BRD10: variants seen among roughly 807,000 people sequenced by gnomAD.
The protein encoded by BRD10 is uncharacterized bromodomain-containing protein 10.
At chr9:5,879,480 C>A in the BRD10 span, among the ~76,000 whole-genome samples, 1 of 152,196 alleles carries the variant, frequency 6.6e-6, no homozygotes, top group Admixed American at 6.5e-5. Flanking sequence ...CCCCTTGAGA[C>A]CCTGCCTCCT....
the BRD10 span, among the ~76,000 whole-genome samples, chr9:5,965,056 T>TAAAAA: frequency 1.2e-4 from 14 of 118,212 alleles, no homozygotes; most frequent in East Asian, 5.1e-4. Context: ...TAAAGTATAA[T>TAAAAA]AAAAAAAAAA....
chr9:5,942,418 CA>C, the BRD10 span, among the ~76,000 whole-genome samples: 1 of 152,072 alleles, frequency 6.6e-6, no homozygotes, highest in Non-Finnish European at 1.5e-5. Context: ...TAACATATAA[CA>C]TAACGTAACA....
chr9:5,906,329 CAAA>C, the BRD10 span, among the ~76,000 whole-genome samples: 2 of 132,570 alleles, frequency 1.5e-5, no homozygotes, highest in African/African-American at 2.8e-5. Flanking sequence ...GACTCTGTCT[CAAA>C]AAAAAAAAAA....
At chr9:5,974,608 C>T in the BRD10 span, among the ~76,000 whole-genome samples, 9 of 152,050 alleles carry the variant, frequency 5.9e-5, no homozygotes, top group Admixed American at 5.9e-4. Flanking sequence ...GAGAAGGAGC[C>T]AAGAGTCCAG....
At chr9:5,954,426 G>A in the BRD10 span, among the ~76,000 whole-genome samples, 1 of 152,168 alleles carries the variant, frequency 6.6e-6, no homozygotes. Flanking sequence ...TGCAACTTAA[G>A]ATGAGACTAC....
the BRD10 span, chr9:5,967,909 A>T: frequency 3.0e-6 from 2 of 674,604 alleles, no homozygotes; most frequent in African/African-American, 3.6e-5. Context: ...ATATACACGC[A>T]TGCATACATG....
chr9:5,967,946 T>C, the BRD10 span: 2 of 915,884 alleles, frequency 2.2e-6, no homozygotes, highest in Non-Finnish European at 3.3e-6. Context: ...AATCAAAGCA[T>C]CCATGATGCA....
At chr9:5,965,956 T>C in the BRD10 span, among the ~76,000 whole-genome samples, 7 of 152,310 alleles carry the variant, frequency 4.6e-5, no homozygotes, top group East Asian at 1.3e-3. Context: ...AACATTGTTA[T>C]ATCAATAAGG....
chr9:5,897,433 G>C, the BRD10 span: 2 of 841,158 alleles, frequency 2.4e-6, no homozygotes, highest in Non-Finnish European at 3.9e-6. Flanking sequence ...GAAACTACTT[G>C]GACACTGGGA....
At chr9:5,940,444 T>G in the BRD10 span, among the ~76,000 whole-genome samples, 3 of 151,822 alleles carry the variant, frequency 2.0e-5, 1 homozygote, top group Admixed American at 2.0e-4. Context: ...CCGCCCACCT[T>G]GGCCTCCCAA....
the BRD10 span, chr9:6,007,664 C>A: frequency 5.0e-6 from 8 of 1,606,358 alleles, no homozygotes; most frequent in South Asian, 8.9e-5. Context: ...CTTCCGTGGG[C>A]CGGCCCTGAG....
chr9:5,973,330 A>G, the BRD10 span, among the ~76,000 whole-genome samples: 193 of 152,166 alleles, frequency 1.3e-3, no homozygotes, highest in African/African-American at 4.6e-3. Context: ...AGCTGGGCGT[A>G]GTGGTACACG....
At chr9:5,887,484 T>C in the BRD10 span, among the ~76,000 whole-genome samples, 5 of 152,158 alleles carry the variant, frequency 3.3e-5, no homozygotes, top group African/African-American at 1.2e-4. Context: ...CACCTTGCCC[T>C]GAGATCCAGG....
chr9:5,961,141 C>T, the BRD10 span, among the ~76,000 whole-genome samples: 2 of 152,106 alleles, frequency 1.3e-5, no homozygotes, highest in African/African-American at 4.8e-5. Context: ...GGATGCAAAA[C>T]CAGAAATAAT....
At chr9:5,985,785 C>CAAAA in the BRD10 span, among the ~76,000 whole-genome samples, 125 of 143,980 alleles carry the variant, frequency 8.7e-4, no homozygotes, top group South Asian at 7.4e-3. Context: ...AACTCCGTCT[C>CAAAA]AAAAAAAATA....
At chr9:5,923,389 T>C in the BRD10 span, 1 of 1,100,242 alleles carries the variant, frequency 9.1e-7, no homozygotes. Flanking sequence ...AAAAAGAAAG[T>C]CAATCTTTGA....
At chr9:5,965,870 G>C in the BRD10 span, among the ~76,000 whole-genome samples, 2 of 151,988 alleles carry the variant, frequency 1.3e-5, no homozygotes, top group African/African-American at 4.8e-5. Flanking sequence ...AGAAGAACAG[G>C]GTAAAGCCTC....
At chr9:6,002,468 G>A in the BRD10 span, among the ~76,000 whole-genome samples, 2 of 152,188 alleles carry the variant, frequency 1.3e-5, no homozygotes, top group Admixed American at 1.3e-4. Context: ...GAATCCAGTG[G>A]TAGGTAGGAT....
At chr9:5,907,999 A>T in the BRD10 span, among the ~76,000 whole-genome samples, 1 of 152,168 alleles carries the variant, frequency 6.6e-6, no homozygotes. Flanking sequence ...CTTGTACCAT[A>T]TTTCTATTGG....
Sources: allele counts gnomAD v4.1 joint callset (sites outside exome capture counted in the v4.1 genomes callset), GRCh38; gene constraint gnomAD v4.1.1; transcripts MANE v1.5; gene names NCBI Gene and HGNC (gene_info 2026-07-23, HGNC 2026-07-21).